Variants in ZNF569 observed in about 807,000 individuals in gnomAD.
The protein encoded by ZNF569 is zinc finger protein 569, also known as DNA-binding protein.
A neutral mutation model predicts 56.3 loss-of-function variants in ZNF569; 38 were observed. The observed-to-expected ratio is 0.68, with a 90% CI of 0.52 to 0.88. ZNF569 has a LOEUF of 0.88. ZNF569 is among the 40% of genes least tolerant of loss of function. The pLI is 0.00. For missense variants in ZNF569, 666 were observed against 809.2 expected, an observed-to-expected ratio of 0.82 and a Z score of 2.15; for synonymous variants, 241 against 262.9, an observed-to-expected ratio of 0.92 and a Z score of 0.81.
chr19:37,430,936 G>C (rs1472774037), intron 3 of ZNF569, among the ~76,000 whole-genome samples: 1 of 152,194 alleles, frequency 6.6e-6, no homozygotes, highest in Non-Finnish European at 1.5e-5. Context: ...GTGGTGCCCT[G>C]TCACAGCAGA....
At chr19:37,419,099 A>C (rs1600292534) in intron 5 of ZNF569, among the ~76,000 whole-genome samples, 1 of 152,146 alleles carries the variant, frequency 6.6e-6, no homozygotes, top group East Asian at 1.9e-4. Flanking sequence ...TTATGTCTTG[A>C]AAAGTGTCTG....
chr19:37,429,154 G>A (rs2041184802), intron 3 of ZNF569, among the ~76,000 whole-genome samples: 1 of 152,172 alleles, frequency 6.6e-6, no homozygotes, highest in Non-Finnish European at 1.5e-5. Context: ...GCTGAAATAA[G>A]TATTAATATG....
At chr19:37,455,889 C>T (rs1049581865) in intron 2 of ZNF569, among the ~76,000 whole-genome samples, 2 of 152,128 alleles carry the variant, frequency 1.3e-5, no homozygotes, top group Non-Finnish European at 2.9e-5. Context: ...CTGTGGGTAC[C>T]GCTCTATCTG....
At chr19:37,415,675 C>T (rs2040916949) in intron 5 of ZNF569, among the ~76,000 whole-genome samples, 1 of 150,440 alleles carries the variant, frequency 6.6e-6, no homozygotes, top group African/African-American at 2.5e-5. Context: ...TTGAGACCAT[C>T]CTGGCTAACA....
upstream of ZNF569, chr19:37,469,022 T>C: frequency 1.0e-6 from 1 of 985,216 alleles, no homozygotes; most frequent in Non-Finnish European, 1.2e-6. Flanking sequence ...CTCCCCGCCC[T>C]GGTTGCTAAG....
chr19:37,444,504 T>C (rs1278727020), intron 3 of ZNF569, among the ~76,000 whole-genome samples: 1 of 152,172 alleles, frequency 6.6e-6, no homozygotes. Flanking sequence ...CACTTTGTTT[T>C]ATCCTTGATC....
At chr19:37,458,677 G>A (rs2041711739) in intron 2 of ZNF569, among the ~76,000 whole-genome samples, 2 of 152,138 alleles carry the variant, frequency 1.3e-5, no homozygotes, top group African/African-American at 4.8e-5. Flanking sequence ...CTGGTCATAT[G>A]GTTTGATGTT....
chr19:37,412,956 G>GTAA lies in ZNF569; in HGVS notation c.1699_1701dup (p.Leu567dup). ...TTCTCACCTGTGTGACTTCTCATAT[G>GTAA]TAAATTAAGCAGTGAGCACTGAGAG... On this transcript the variant is annotated inframe_insertion, in exon 6 of 6. Transcript: ENST00000316950. 6.2e-7 allele frequency: 1 copy of GTAA among 1,613,700 alleles called. No individual in the cohort carries two copies. The highest frequency in any genetic ancestry group is 8.5e-7 in the Non-Finnish European group (1 of 1,179,848).
At chr19:37,455,431 T>C (rs2041656975) in intron 2 of ZNF569, among the ~76,000 whole-genome samples, 1 of 152,226 alleles carries the variant, frequency 6.6e-6, no homozygotes, top group Admixed American at 6.5e-5. Flanking sequence ...GTTTAGTTTC[T>C]GGACTATCAT....
intron 3 of ZNF569, among the ~76,000 whole-genome samples, chr19:37,430,591 A>G (rs1029759750): frequency 6.6e-6 from 1 of 152,210 alleles, no homozygotes; most frequent in Non-Finnish European, 1.5e-5. Context: ...AAAGAAAAAA[A>G]AAACTATCAG....
At chr19:37,453,772 A>G (rs1206313227) in intron 2 of ZNF569, among the ~76,000 whole-genome samples, 2 of 152,192 alleles carry the variant, frequency 1.3e-5, no homozygotes, top group Non-Finnish European at 2.9e-5. Flanking sequence ...ATTTATTTAA[A>G]TACTTTTCTT....
chr19:37,414,516 T>C, intron 5 of ZNF569, 97 bp from the exon 6 acceptor site: 1 of 1,466,144 alleles, frequency 6.8e-7, no homozygotes, highest in Middle Eastern at 2.5e-4. Flanking sequence ...GGACTGATTA[T>C]TGGTTTAAGC....
At chr19:37,468,948 A>T, upstream of ZNF569, 2 of 684,928 alleles carry the variant, frequency 2.9e-6, no homozygotes, top group Non-Finnish European at 3.6e-6. Context: ...CATTTTGAGT[A>T]GACGCGCCAC....
chr19:37,416,572 C>T (rs183310479), intron 5 of ZNF569, among the ~76,000 whole-genome samples: 567 of 152,152 alleles, frequency 3.7e-3, no homozygotes, highest in Admixed American at 9.0e-3. Flanking sequence ...TAAATAATCT[C>T]CAGATTACTT....
chr19:37,434,703 C>A (rs984089245), intron 3 of ZNF569, among the ~76,000 whole-genome samples: 1 of 152,232 alleles, frequency 6.6e-6, no homozygotes, highest in Non-Finnish European at 1.5e-5. Context: ...TAACTGACGA[C>A]ATTCCACCAT....
Position 37,414,307 on chromosome 19 carries a change from C to A in ZNF569, c.351G>T (p.Lys117Asn). ...LTEEKGNECQ[K>N]KFANVFPLNS... Reference sequence around the variant, plus strand: ...TCAGAGGAAATACATTTGCAAATTTCTTTTGACATTCATTGCCTTTTTCTT... The same window carrying A: ...TCAGAGGAAATACATTTGCAAATTTATTTTGACATTCATTGCCTTTTTCTT... The change falls in exon 6 of 6, where the codon AAG becomes AAT. Residue 117 changes from lysine (K) to asparagine (N), a missense_variant. Coordinates refer to ENST00000316950, the MANE Select transcript of ZNF569 (RefSeq NM_152484.3). The A allele has an allele frequency of 6.2e-7, 1 of 1,613,544 alleles. No individual in the cohort carries two copies. Among genetic ancestry groups the A allele is most frequent in the Non-Finnish European group, 8.5e-7 (1 of 1,179,784 alleles).
At chr19:37,427,494 A>G (rs946463629) in intron 3 of ZNF569, among the ~76,000 whole-genome samples, 1 of 152,256 alleles carries the variant, frequency 6.6e-6, no homozygotes, top group Non-Finnish European at 1.5e-5. Context: ...GGAGCAATCC[A>G]TATTTCCTAC....
chr19:37,418,662 G>A (rs1270186591), intron 5 of ZNF569, among the ~76,000 whole-genome samples: 1 of 152,098 alleles, frequency 6.6e-6, no homozygotes, highest in Non-Finnish European at 1.5e-5. Flanking sequence ...ATGAACAGGG[G>A]CCCTAAAAAA....
chr19:37,433,751 G>A (rs1296816889), intron 3 of ZNF569, among the ~76,000 whole-genome samples: 1 of 152,090 alleles, frequency 6.6e-6, no homozygotes, highest in African/African-American at 2.4e-5. Context: ...TAGTATATCT[G>A]GTGAAAATAA....
Sources: allele counts gnomAD v4.1 joint callset (sites outside exome capture counted in the v4.1 genomes callset), GRCh38; gene constraint gnomAD v4.1.1; transcripts MANE v1.5; gene names NCBI Gene and HGNC (gene_info 2026-07-23, HGNC 2026-07-21).